Variants in TPP2 observed in about 807,000 individuals in gnomAD.
The protein encoded by TPP2 is tripeptidyl peptidase 2, also known as tripeptidyl-peptidase 2.
TPP2 carries 34 observed loss-of-function variants against 155.9 expected under a neutral mutation model. The observed-to-expected ratio is 0.22, with a 90% CI of 0.17 to 0.29. The LOEUF (loss-of-function observed/expected upper bound fraction) is 0.29. Ranked by LOEUF, TPP2 falls within the 10% of genes least tolerant of loss-of-function variation. TPP2 has a pLI of 1.00. For synonymous variants in TPP2, 510 were observed against 529.4 expected (o/e 0.96, Z 0.50); for missense variants, 1,028 against 1,522.3 (o/e 0.68, Z 5.40).
intron 21 of TPP2, 43 bp downstream of exon 21, chr13:102,647,387 T>C: frequency 6.3e-7 from 1 of 1,586,632 alleles, no homozygotes; most frequent in Non-Finnish European, 8.6e-7. Flanking sequence ...GGAAGCTGTT[T>C]CCTGAACTAA....
At chr13:102,602,844 C>T (rs1956260981) in intron 1 of TPP2, among the ~76,000 whole-genome samples, 1 of 152,182 alleles carries the variant, frequency 6.6e-6, no homozygotes, top group Non-Finnish European at 1.5e-5. Flanking sequence ...TTCCACTTTA[C>T]TGACAGTTTC....
intron 8 of TPP2, among the ~76,000 whole-genome samples, chr13:102,628,628 T>G (rs528857168): frequency 4.7e-4 from 71 of 152,272 alleles, no homozygotes; most frequent in African/African-American, 1.6e-3. Context: ...ACCTTCCTTT[T>G]TTTCTTCATA....
chr13:102,631,482 T>C (rs1882013745), intron 10 of TPP2: 1 of 152,228 alleles, frequency 6.6e-6, no homozygotes, highest in African/African-American at 2.4e-5. Context: ...TTGATGTGTT[T>C]TTGTTCAGTT....
At chr13:102,645,307 T>C (rs1883031937) in intron 19 of TPP2, among the ~76,000 whole-genome samples, 1 of 152,240 alleles carries the variant, frequency 6.6e-6, no homozygotes, top group African/African-American at 2.4e-5. Context: ...TTCTCTCTGA[T>C]ATTATTTTGT....
chr13:102,607,748 G>A, intron 2 of TPP2: 4 of 388,404 alleles, frequency 1.0e-5, no homozygotes, highest in South Asian at 7.1e-5. Flanking sequence ...CATGACACTT[G>A]GCTAATTTTT....
chr13:102,641,907 A>G (rs915307216), intron 16 of TPP2, among the ~76,000 whole-genome samples: 1 of 152,136 alleles, frequency 6.6e-6, no homozygotes, highest in Non-Finnish European at 1.5e-5. Context: ...GTGGTGAGCT[A>G]CTTAGACAAG....
At chr13:102,598,209 C>T (rs562615102) in intron 1 of TPP2, among the ~76,000 whole-genome samples, 40 of 152,292 alleles carry the variant, frequency 2.6e-4, no homozygotes, top group African/African-American at 9.6e-4. Context: ...TATTCAAGAT[C>T]CATCTCCCAG....
chr13:102,674,539 A>G lies in TPP2; in HGVS notation c.3579+49A>G, dbSNP rs376881807. 2.8e-5 allele frequency: 45 copies of G among 1,588,362 alleles called. No homozygotes were observed. The African/African-American group carries it at 5.7e-4, about 20-fold the overall frequency. On this transcript the variant is annotated intron_variant, in intron 28 of 29. Transcript: ENST00000376052. ...AGCAAAGTTCTTGGGGTTACCTCACAGACCTCTCTTGTGCCCCATTGCTGG... is the reference window on the plus strand; with the variant it reads ...AGCAAAGTTCTTGGGGTTACCTCACGGACCTCTCTTGTGCCCCATTGCTGG...
At chr13:102,644,415 C>T (rs1882965337) in intron 17 of TPP2, 142 bp from the exon 18 acceptor site, 1 of 612,316 alleles carries the variant, frequency 1.6e-6, no homozygotes, top group Non-Finnish European at 2.8e-6. Flanking sequence ...TCTTACTTAG[C>T]ATAGCTGTTA....
In TPP2 at chr13:102,678,530, A is replaced by G; in HGVS notation, c.*214A>G. ...CATCATGGTGTTTTCTTAATGCCTC[A>G]CATTGCTGGCACGGGGATGTGCCCT... On this transcript the variant is annotated 3_prime_UTR_variant, in exon 30 of 30. Coordinates refer to ENST00000376052, the MANE Select transcript of TPP2 (RefSeq NM_001330588.2). 1 of 448,974 alleles carries G rather than the reference A, an allele frequency of 2.2e-6. No individual in the cohort carries two copies. Among genetic ancestry groups the G allele is most frequent in the Non-Finnish European group, 3.9e-6 (1 of 253,474 alleles). The allele number at this position is 448,974 out of a possible 1,614,324, so 27.8% of individuals were successfully genotyped here. A position where few individuals can be genotyped will look rare whatever the true frequency, so the allele number is the denominator to read the frequency against.
At chr13:102,639,932 C>T (rs1348392192) in intron 15 of TPP2, among the ~76,000 whole-genome samples, 1 of 152,154 alleles carries the variant, frequency 6.6e-6, no homozygotes, top group South Asian at 2.1e-4. Flanking sequence ...ATATCTAGGA[C>T]TCACTGTAGT....
intron 25 of TPP2, among the ~76,000 whole-genome samples, chr13:102,660,523 T>G (rs1327004091): frequency 7.9e-5 from 12 of 152,234 alleles, no homozygotes. Flanking sequence ...AAAGGTATTC[T>G]TTGTCTGTGG....
In TPP2 at chr13:102,647,284, G is replaced by C; in HGVS notation, c.2568G>C (p.Leu856=). Residue 856 remains leucine (L), a synonymous_variant, in exon 21 of 30, where the codon CTG becomes CTC. Transcript: ENST00000376052. ...LLYESEFDSQ[L]WIIFDQNKRQ... ...ATGAATCTGAATTTGACAGCCAACTGTGGATTATTTTTGACCAGAACAAAA... is the reference window on the plus strand; with the variant it reads ...ATGAATCTGAATTTGACAGCCAACTCTGGATTATTTTTGACCAGAACAAAA... 1 of 1,613,902 alleles carries C rather than the reference G, an allele frequency of 6.2e-7. No individual in the cohort carries two copies. The highest frequency in any genetic ancestry group is 8.5e-7 in the Non-Finnish European group (1 of 1,179,954).
intron 6 of TPP2, among the ~76,000 whole-genome samples, chr13:102,624,043 G>C (rs1881370161): frequency 6.6e-6 from 1 of 152,098 alleles, no homozygotes; most frequent in Admixed American, 6.5e-5. Context: ...ACAGAGGGCC[G>C]AATGTATTAT....
intron 2 of TPP2, among the ~76,000 whole-genome samples, chr13:102,613,656 G>A (rs942384096): frequency 2.0e-5 from 3 of 152,132 alleles, no homozygotes; most frequent in Non-Finnish European, 4.4e-5. Context: ...GATAGAACTA[G>A]GTTCCAGTTT....
intron 13 of TPP2, among the ~76,000 whole-genome samples, chr13:102,636,697 A>G (rs1882404830): frequency 6.6e-6 from 1 of 152,242 alleles, no homozygotes; most frequent in South Asian, 2.1e-4. Flanking sequence ...CTACTTAGGT[A>G]TAAGACAGAG....
intron 10 of TPP2, among the ~76,000 whole-genome samples, chr13:102,631,072 G>T (rs1369858701): frequency 1.3e-5 from 2 of 152,144 alleles, no homozygotes; most frequent in African/African-American, 4.8e-5. Context: ...GAAGAAAGGA[G>T]TTCTATATGC....
chr13:102,627,761 T>G, intron 7 of TPP2, 87 bp from the exon 8 acceptor site: 2 of 919,492 alleles, frequency 2.2e-6, no homozygotes, highest in Non-Finnish European at 3.4e-6. Context: ...GCTAAGAAAC[T>G]ATAGGATTAT....
chr13:102,670,614 T>C (rs763391036), intron 27 of TPP2, among the ~76,000 whole-genome samples: 1 of 152,208 alleles, frequency 6.6e-6, no homozygotes, highest in Non-Finnish European at 1.5e-5. Flanking sequence ...AATAGCATGC[T>C]CTATTTCCTC....
Sources: allele counts gnomAD v4.1 joint callset (sites outside exome capture counted in the v4.1 genomes callset), GRCh38; gene constraint gnomAD v4.1.1; transcripts MANE v1.5; gene names NCBI Gene and HGNC (gene_info 2026-07-23, HGNC 2026-07-21).